TRPM6: variants seen among roughly 807,000 people sequenced by gnomAD.
The protein encoded by TRPM6 is channel kinase 2.
In TRPM6, 111 loss-of-function variants were observed where a neutral mutation model predicts 247.6. That is an observed-to-expected ratio of 0.45 (90% CI 0.38 to 0.52). TRPM6 has a LOEUF of 0.52. Ranked by LOEUF, TRPM6 falls within the 20% of genes least tolerant of loss-of-function variation. The pLI is 0.00. For synonymous variants in TRPM6, 892 were observed against 853.8 expected, an observed-to-expected ratio of 1.04 and a Z score of -0.78; for missense variants, 2,126 against 2,421.5, an observed-to-expected ratio of 0.88 and a Z score of 2.56.
chr9:74,800,924 CAAAA>C (rs1235094317), intron 16 of TRPM6, among the ~76,000 whole-genome samples: 3 of 111,428 alleles, frequency 2.7e-5, no homozygotes, highest in African/African-American at 1.2e-4. Flanking sequence ...TTTTTTTTGA[CAAAA>C]AAAACTATTC....
intron 2 of TRPM6, among the ~76,000 whole-genome samples, chr9:74,856,991 G>A (rs534245254): frequency 6.6e-6 from 1 of 152,220 alleles, no homozygotes; most frequent in Admixed American, 6.5e-5. Flanking sequence ...CTCTTCTTGA[G>A]TCTATGGGCT....
chr9:74,761,937 A>G, intron 26 of TRPM6, 62 bp downstream of exon 26: 3 of 1,578,952 alleles, frequency 1.9e-6, no homozygotes, highest in Non-Finnish European at 1.7e-6. Context: ...AAAACAAAAC[A>G]AAACAAAACC....
Position 74,803,840 on chromosome 9 carries a change from G to A in TRPM6, c.1685C>T (p.Thr562Met), listed in dbSNP as rs752979814. Residue 562 changes from threonine (T) to methionine (M), a missense_variant, in exon 15 of 39, where the codon ACG becomes ATG. Transcript: ENST00000360774. ...SGNRNESAES[T>M]LHSQFIRTAQ... ...AGTTCTAATGAACTGGGAGTGCAGC[G>A]TACTTTCTGCAGACTCATTTCTATT... 25 of 1,613,596 alleles carry A rather than the reference G, an allele frequency of 1.5e-5. No individual in the cohort carries two copies. Among genetic ancestry groups the A allele is most frequent in the South Asian group, 5.5e-5 (5 of 91,068 alleles).
At chr9:74,771,449 A>C (rs1827037069) in intron 25 of TRPM6, among the ~76,000 whole-genome samples, 1 of 152,224 alleles carries the variant, frequency 6.6e-6, no homozygotes, top group Admixed American at 6.5e-5. Flanking sequence ...GCGCGCATGA[A>C]TGTAAGTCCC....
At chr9:74,752,855 G>GT in intron 28 of TRPM6, among the ~76,000 whole-genome samples, 1 of 152,280 alleles carries the variant, frequency 6.6e-6, no homozygotes, top group Admixed American at 6.5e-5. Flanking sequence ...GCTCACACCT[G>GT]TAATCCCAAC....
At chr9:74,807,990 C>T (rs1211208578) in intron 14 of TRPM6, 44 bp downstream of exon 14, 1 of 1,611,714 alleles carries the variant, frequency 6.2e-7, no homozygotes, top group Non-Finnish European at 8.5e-7. Context: ...ACAACAATTC[C>T]TAATCATTCT....
intron 17 of TRPM6, among the ~76,000 whole-genome samples, chr9:74,798,094 GTT>G (rs1828163615): frequency 6.6e-6 from 1 of 152,070 alleles, no homozygotes; most frequent in Non-Finnish European, 1.5e-5. Context: ...AAGGTAAAGA[GTT>G]TAAAAGATTT....
chr9:74,771,657 A>G, intron 25 of TRPM6, 46 bp downstream of exon 25: 2 of 1,596,092 alleles, frequency 1.3e-6, no homozygotes, highest in Non-Finnish European at 1.7e-6. Context: ...TAGCAGAATC[A>G]CGTTGTGTTA....
chr9:74,874,835 A>G (rs1831141978), intron 1 of TRPM6, among the ~76,000 whole-genome samples: 1 of 151,264 alleles, frequency 6.6e-6, no homozygotes, highest in South Asian at 2.1e-4. Flanking sequence ...AGCTCACTGC[A>G]ACCTCCACCT....
At chr9:74,807,586 CA>C (rs1828570934) in intron 14 of TRPM6, among the ~76,000 whole-genome samples, 1 of 152,126 alleles carries the variant, frequency 6.6e-6, no homozygotes, top group Admixed American at 6.5e-5. Context: ...ACGCATCTTT[CA>C]ATATAATCAC....
At chr9:74,840,975 C>T (rs79452307) in intron 4 of TRPM6, among the ~76,000 whole-genome samples, 1 of 152,050 alleles carries the variant, frequency 6.6e-6, no homozygotes. Flanking sequence ...AATGCTATGG[C>T]TTTCTGTTTA....
rs1220478647 is a variant in TRPM6 at position 74,723,045 on chromosome 9, G to A, written c.*1568C>T. On this transcript the variant is annotated 3_prime_UTR_variant, in exon 39 of 39. Coordinates refer to ENST00000360774, the MANE Select transcript of TRPM6 (RefSeq NM_017662.5). ...AAGAAAGGAGATGCAATAGGATGGGGAGAGGACTCCCAGCCCCACATCTCT... is the reference window on the plus strand; with the variant it reads ...AAGAAAGGAGATGCAATAGGATGGGAAGAGGACTCCCAGCCCCACATCTCT... 1 of 152,138 alleles carries A rather than the reference G, an allele frequency of 6.6e-6. No homozygotes were observed. Among genetic ancestry groups the A allele is most frequent in the African/African-American group, 2.4e-5 (1 of 41,446 alleles). The allele number at this position is 152,138 out of a possible 1,614,324, so 9.4% of individuals were successfully genotyped here. A position where few individuals can be genotyped will look rare whatever the true frequency, so the allele number is the denominator to read the frequency against.
In TRPM6 at chr9:74,724,693, C is replaced by T. The variant is rs1825256831; in HGVS notation, c.5989G>A (p.Glu1997Lys). 8 of 1,614,180 alleles carry T rather than the reference C, an allele frequency of 5.0e-6. No homozygotes were observed. In the East Asian group the frequency reaches 1.8e-4, roughly 36 times the overall value. ...PERINSTFGLEIKIESAEEPP... is the reference protein window; with the variant it reads ...PERINSTFGLKIKIESAEEPP... ...TCCTCAGCTGATTCTATTTTTATCTCAAGTCCAAAGGTGGAATTTATCCTT... is the reference window on the plus strand; with the variant it reads ...TCCTCAGCTGATTCTATTTTTATCTTAAGTCCAAAGGTGGAATTTATCCTT... The change falls in exon 39 of 39, where the codon GAG (glutamate) becomes AAG (lysine). Residue 1997 changes from glutamate (E) to lysine (K), a missense_variant. By Grantham distance (56) the Glu-to-Lys change is moderately conservative. Around this residue, in one of 3 missense-constraint regions of TRPM6, gnomAD observed 327 missense variants for 397.7 expected, o/e 0.82. Transcript: ENST00000360774.
chr9:74,887,629 A>G, intron 1 of TRPM6, 195 bp downstream of exon 1: 5 of 1,555,840 alleles, frequency 3.2e-6, no homozygotes, highest in Middle Eastern at 1.7e-4. Flanking sequence ...AGCGTACACT[A>G]CCTTAGATAG....
intron 17 of TRPM6, chr9:74,800,035 C>A: frequency 1.7e-6 from 1 of 576,506 alleles, no homozygotes; most frequent in Non-Finnish European, 3.1e-6. Flanking sequence ...CACGCTCTGT[C>A]GCTCAGTCGC....
At chr9:74,863,882 G>A (rs1239849949) in intron 1 of TRPM6, among the ~76,000 whole-genome samples, 2 of 130,140 alleles carry the variant, frequency 1.5e-5, no homozygotes, top group African/African-American at 5.3e-5. Context: ...CACCGCGCCC[G>A]GCAACCTTTT....
Position 74,767,548 on chromosome 9 carries a change from C to T in TRPM6, c.3536+4155G>A, listed in dbSNP as rs75352633. On this transcript the variant is annotated intron_variant, in intron 25 of 38. Coordinates refer to ENST00000360774, the MANE Select transcript of TRPM6 (RefSeq NM_017662.5). ...TTGCTCAGTTACCTCAGGAAATATTCTCCCCTCTTTCCCATACCTCATTTA... is the reference window on the plus strand; with the variant it reads ...TTGCTCAGTTACCTCAGGAAATATTTTCCCCTCTTTCCCATACCTCATTTA... Among the ~76,000 whole-genome samples the T allele has an allele frequency of 1.9e-3, 292 of 152,272 alleles. 1 individual carries two copies. Among genetic ancestry groups the T allele is most frequent in the Non-Finnish European group, 3.0e-3 (207 of 68,012 alleles).
intron 3 of TRPM6, among the ~76,000 whole-genome samples, chr9:74,849,481 G>A (rs1830224555): frequency 6.6e-6 from 1 of 151,904 alleles, no homozygotes; most frequent in African/African-American, 2.4e-5. Flanking sequence ...ACCATCTGAA[G>A]ACACAATAAG....
At chr9:74,802,273 C>T in intron 15 of TRPM6, 98 bp from the exon 16 acceptor site, 1 of 1,094,500 alleles carries the variant, frequency 9.1e-7, no homozygotes, top group Non-Finnish European at 1.3e-6. Flanking sequence ...TTTTTTTAAT[C>T]ACTACTAAAA....
Sources: allele counts gnomAD v4.1 joint callset (sites outside exome capture counted in the v4.1 genomes callset), GRCh38; gene constraint gnomAD v4.1.1; regional missense constraint gnomAD v4.1.1; transcripts MANE v1.5; gene names NCBI Gene and HGNC (gene_info 2026-07-23, HGNC 2026-07-21).